The following AGPAT4 variants were observed in gnomAD, a reference collection of about 807,000 sequenced individuals.
AGPAT4 encodes the protein 1-acylglycerol-3-phosphate O-acyltransferase 4.
AGPAT4 carries 15 observed loss-of-function variants against 48.0 expected under a neutral mutation model. That is an observed-to-expected ratio of 0.31 (90% confidence interval 0.21 to 0.48). The LOEUF (loss-of-function observed/expected upper bound fraction) is 0.48. Among genes scored for constraint, AGPAT4 ranks in the 20% least tolerant of loss-of-function variants. AGPAT4 has a pLI of 0.99. For synonymous variants in AGPAT4, 178 were observed against 198.7 expected, an observed-to-expected ratio of 0.90 and a Z score of 0.88; for missense variants, 314 against 482.5, an observed-to-expected ratio of 0.65 and a Z score of 3.27.
rs1779458667 is a variant in AGPAT4, at chr6:161,147,276, C to T, written c.768-677G>A. On this transcript the variant is annotated intron_variant, in intron 6 of 8. Transcript: ENST00000320285. The surrounding 1 kb of genome is among the most constrained non-coding windows in gnomAD (Gnocchi z 4.8). ...GGGTGGCTCTGGGGACTGGTGCTGG[C>T]AAGGGCTTGCCACTCGATCATTTGC... is the stretch of plus-strand genomic sequence containing the variant. Among the ~76,000 whole-genome samples, 2 of 152,142 alleles carry T rather than the reference C, an allele frequency of 1.3e-5. No individual in the cohort carries two copies. Among genetic ancestry groups the T allele is most frequent in the African/African-American group, 4.8e-5 (2 of 41,430 alleles).
chr6:161,190,248 T>C (rs574716241), intron 2 of AGPAT4, among the ~76,000 whole-genome samples: 3 of 152,302 alleles, frequency 2.0e-5, no homozygotes, highest in African/African-American at 4.8e-5. Flanking sequence ...ATTATCAACA[T>C]TGGTTCATCA....
intron 1 of AGPAT4, among the ~76,000 whole-genome samples, chr6:161,265,228 T>C (rs1451501143): frequency 2.2e-4 from 2 of 9,120 alleles, no homozygotes; most frequent in African/African-American, 1.9e-3. Context: ...TGGGTGCTGA[T>C]TAGTACCCAC....
chr6:161,268,541 A>G (rs1783331865), intron 1 of AGPAT4, among the ~76,000 whole-genome samples: 1 of 152,172 alleles, frequency 6.6e-6, no homozygotes, highest in Admixed American at 6.5e-5. Flanking sequence ...AAACTAACAT[A>G]AAATTCAAAA....
chr6:161,173,165 G>A (rs1440554770), intron 2 of AGPAT4, among the ~76,000 whole-genome samples: 3 of 152,188 alleles, frequency 2.0e-5, no homozygotes, highest in Admixed American at 1.3e-4. Flanking sequence ...ACCCAGTAAC[G>A]GGATGGCTGG....
rs1394899475 is a variant in AGPAT4, at chr6:161,206,945, C to A, written c.178+25091G>T. Among the ~76,000 whole-genome samples the A allele has an allele frequency of 6.6e-6, 1 of 152,150 alleles. No homozygotes were observed. Among genetic ancestry groups the A allele is most frequent in the Non-Finnish European group, 1.5e-5 (1 of 68,026 alleles). On this transcript the variant is annotated intron_variant, in intron 2 of 8. Coordinates refer to ENST00000320285, the MANE Select transcript of AGPAT4 (RefSeq NM_020133.3). The surrounding 1 kb of genome is among the most constrained non-coding windows in gnomAD (Gnocchi z 4.8). ...AGGAAAGAACCAGTGAACTCAAAGG[C>A]AGAACAGTAGAAATCAGCTCATCTG...
Position 161,148,362 on chromosome 6 carries a change from C to T in AGPAT4, c.767+825G>A, listed in dbSNP as rs969798877. On this transcript the variant is annotated intron_variant, in intron 6 of 8. Transcript: ENST00000320285. The surrounding 1 kb of genome is among the most constrained non-coding windows in gnomAD (Gnocchi z 5.5). ...AAGCTACTTAACTTTGGCCGCCAGT[C>T]CACCAAAATATCTCCCAGGAAAGCC... 6.6e-6 allele frequency among the ~76,000 whole-genome samples: 1 copy of T among 152,212 alleles called. No individual in the cohort carries two copies. The highest frequency in any genetic ancestry group is 2.4e-5 in the African/African-American group (1 of 41,458).
chr6:161,205,748 AT>A (rs1157255438), intron 2 of AGPAT4, among the ~76,000 whole-genome samples: 1 of 105,332 alleles, frequency 9.5e-6, no homozygotes, highest in East Asian at 3.6e-4. Context: ...AATAATAATA[AT>A]AATAATAATA....
Position 161,165,656 on chromosome 6 carries a change from A to G in AGPAT4, c.348+592T>C. The G allele has an allele frequency of 7.7e-7, 1 of 1,305,870 alleles. No homozygotes were observed. Among genetic ancestry groups the G allele is most frequent in the Non-Finnish European group, 1.0e-6 (1 of 990,182 alleles). The allele number at this position is 1,305,870 out of a possible 1,614,324, so 80.9% of individuals were successfully genotyped here. A position where few individuals can be genotyped will look rare whatever the true frequency, so the allele number is the denominator to read the frequency against. ...ACGCTGCAGTGTGTTGAAGACGACA[A>G]AAGTCAACTGAAGAGACCCAGTTCC... On this transcript the variant is annotated intron_variant, in intron 3 of 8. Coordinates refer to ENST00000320285, the MANE Select transcript of AGPAT4 (RefSeq NM_020133.3). This position sits in a 1 kb window ranked among gnomAD's most constrained non-coding sequence, Gnocchi z 5.5.
chr6:161,152,005 A>AG (rs2114964318), intron 5 of AGPAT4, among the ~76,000 whole-genome samples: 1 of 152,304 alleles, frequency 6.6e-6, no homozygotes, highest in South Asian at 2.1e-4. Flanking sequence ...GGCTGGGCAG[A>AG]GGGGAAGGAC....
chr6:161,188,543 T>A (rs1884481), intron 2 of AGPAT4, among the ~76,000 whole-genome samples: 119,906 of 152,200 alleles, frequency 0.79, 47,368 homozygotes, highest in East Asian at 0.91. Flanking sequence ...TAAATTACAC[T>A]TTATTTTTTA....
chr6:161,215,851 C>G lies in AGPAT4; in HGVS notation c.178+16185G>C, dbSNP rs1340405307. 6.6e-6 allele frequency among the ~76,000 whole-genome samples: 1 copy of G among 152,176 alleles called. No individual in the cohort carries two copies. The highest frequency in any genetic ancestry group is 1.5e-5 in the Non-Finnish European group (1 of 68,026). ...ACCCATTATTTTATTCGTAATACAG[C>G]ATTACCTTTCAAACTATACATCAAA... On this transcript the variant is annotated intron_variant, in intron 2 of 8. Coordinates refer to ENST00000320285, the MANE Select transcript of AGPAT4 (RefSeq NM_020133.3). The surrounding 1 kb of genome is among the most constrained non-coding windows in gnomAD (Gnocchi z 4.5).
rs1318910609 is a variant in AGPAT4, at chr6:161,178,453, G to C, written c.179-12036C>G. 6.6e-6 allele frequency among the ~76,000 whole-genome samples: 1 copy of C among 152,204 alleles called. No individual in the cohort carries two copies. The highest frequency in any genetic ancestry group is 1.5e-5 in the Non-Finnish European group (1 of 68,050). ...AGCCAGACACGGGATATAATCTCCT[G>C]GTGTGCCATTTGCTAAGACCGTTGG... On this transcript the variant is annotated intron_variant, in intron 2 of 8. Coordinates refer to ENST00000320285, the MANE Select transcript of AGPAT4 (RefSeq NM_020133.3). This position sits in a 1 kb window ranked among gnomAD's most constrained non-coding sequence, Gnocchi z 5.1.
rs940655478 is a variant in AGPAT4 at position 161,159,494 on chromosome 6, G to A, written c.349-5184C>T. On this transcript the variant is annotated intron_variant, in intron 3 of 8. Transcript: ENST00000320285. The surrounding 1 kb of genome is among the most constrained non-coding windows in gnomAD (Gnocchi z 4.1). Reference sequence around the variant, plus strand: ...TGTACAGACCCCTTCTGGCAAGAAAGGTGTGTGCAAGAGAGGATGGTATGG... The same window carrying A: ...TGTACAGACCCCTTCTGGCAAGAAAAGTGTGTGCAAGAGAGGATGGTATGG... Among the ~76,000 whole-genome samples the A allele has an allele frequency of 6.6e-6, 1 of 152,154 alleles. No homozygotes were observed. Among genetic ancestry groups the A allele is most frequent in the African/African-American group, 2.4e-5 (1 of 41,432 alleles).
chr6:161,194,492 A>C (rs113497102), intron 2 of AGPAT4, among the ~76,000 whole-genome samples: 2 of 147,784 alleles, frequency 1.4e-5, no homozygotes. Flanking sequence ...GTATGTGTGT[A>C]TGTGTGTGTG....
rs1387501136 is a variant in AGPAT4, at chr6:161,139,242, G to A, written c.1042+180C>T. 3.3e-5 allele frequency among the ~76,000 whole-genome samples: 5 copies of A among 152,190 alleles called. No homozygotes were observed. Among genetic ancestry groups the A allele is most frequent in the East Asian group, 3.9e-4 (2 of 5,180 alleles). ...GTCCAGGCTGCGGAGGGGGTCCCAG[G>A]CCTGGTATTCGAGGGCCTCGCACTC... is the stretch of plus-strand genomic sequence containing the variant. On this transcript the variant is annotated intron_variant, in intron 8 of 8. Transcript: ENST00000320285. This position sits in a 1 kb window ranked among gnomAD's most constrained non-coding sequence, Gnocchi z 9.1.
chr6:161,162,615 C>A (rs1168841439), intron 3 of AGPAT4, among the ~76,000 whole-genome samples: 1 of 152,234 alleles, frequency 6.6e-6, no homozygotes, highest in Non-Finnish European at 1.5e-5. Flanking sequence ...GGCAGGGGAC[C>A]TTTATGACAC....
intron 3 of AGPAT4, among the ~76,000 whole-genome samples, chr6:161,157,264 T>A (rs750736284): frequency 2.0e-5 from 3 of 152,258 alleles, no homozygotes; most frequent in Non-Finnish European, 2.9e-5. Context: ...GACATCAGCA[T>A]GCTTTCGCCA....
chr6:161,196,573 C>T lies in AGPAT4; in HGVS notation c.179-30156G>A, dbSNP rs915608199. On this transcript the variant is annotated intron_variant, in intron 2 of 8. Transcript: ENST00000320285. This position sits in a 1 kb window ranked among gnomAD's most constrained non-coding sequence, Gnocchi z 4.3. ...CTGTAATCCCAGCATTTTGGGAGGC[C>T]GAGTCAGGCGGATCACTTGAGGTCA... Among the ~76,000 whole-genome samples the T allele has an allele frequency of 3.3e-5, 5 of 151,856 alleles. No individual in the cohort carries two copies. Among genetic ancestry groups the T allele is most frequent in the Non-Finnish European group, 7.4e-5 (5 of 67,964 alleles).
chr6:161,159,149 T>C lies in AGPAT4; in HGVS notation c.349-4839A>G, dbSNP rs2114971762. ...CAGCTGGAGCCACTGTAGCAAATGT[T>C]TCAGTTCCCTGGAGCCAAGACAAGC... On this transcript the variant is annotated intron_variant, in intron 3 of 8. Coordinates refer to ENST00000320285, the MANE Select transcript of AGPAT4 (RefSeq NM_020133.3). This position sits in a 1 kb window ranked among gnomAD's most constrained non-coding sequence, Gnocchi z 4.1. Among the ~76,000 whole-genome samples the C allele has an allele frequency of 6.6e-6, 1 of 152,292 alleles. No individual in the cohort carries two copies. The highest frequency in any genetic ancestry group is 2.4e-5 in the African/African-American group (1 of 41,556).
Sources: allele counts gnomAD v4.1 joint callset (sites outside exome capture counted in the v4.1 genomes callset), GRCh38; gene constraint gnomAD v4.1.1; non-coding constraint Gnocchi (gnomAD v3.1); transcripts MANE v1.5; gene names NCBI Gene and HGNC (gene_info 2026-07-23, HGNC 2026-07-21).